RAB11FIP3: variants seen among roughly 807,000 people sequenced by gnomAD.
RAB11FIP3 encodes RAB11 family interacting protein 3, also known as rab11 family-interacting protein 3.
A neutral mutation model predicts 77.8 loss-of-function variants in RAB11FIP3; 17 were observed. That is an observed-to-expected ratio of 0.22 (90% CI 0.15 to 0.33). The LOEUF (loss-of-function observed/expected upper bound fraction) is 0.33, where lower values mean the gene tolerates loss of function less well. Among genes scored for constraint, RAB11FIP3 ranks in the 10% least tolerant of loss-of-function variants. RAB11FIP3 has a pLI of 1.00. For synonymous variants in RAB11FIP3, 437 were observed against 448.2 expected (o/e 0.98, Z 0.31); for missense variants, 1,005 against 1,011.2 (o/e 0.99, Z 0.08).
chr16:453,231 C>T (rs544898607), intron 1 of RAB11FIP3, among the ~76,000 whole-genome samples: 20 of 151,964 alleles, frequency 1.3e-4, no homozygotes, highest in East Asian at 9.7e-4. Flanking sequence ...CCCGCCACCA[C>T]GCCTGGCTAA....
intron 8 of RAB11FIP3, among the ~76,000 whole-genome samples, chr16:510,250 G>A (rs906363983): frequency 1.3e-4 from 20 of 151,726 alleles, no homozygotes; most frequent in Non-Finnish European, 2.5e-4. Context: ...CCCGTCCCGA[G>A]GCTCCGTGCC....
intron 9 of RAB11FIP3, among the ~76,000 whole-genome samples, chr16:513,762 AGGGGCCT>A (rs2032287121): frequency 6.6e-6 from 1 of 152,198 alleles, no homozygotes; most frequent in Non-Finnish European, 1.5e-5. Context: ...GGTGGCAGGA[AGGGGCCT>A]GCACTGAGAG....
intron 9 of RAB11FIP3, among the ~76,000 whole-genome samples, chr16:517,810 C>T (rs1026251166): frequency 3.9e-5 from 6 of 151,990 alleles, no homozygotes; most frequent in African/African-American, 9.7e-5. Context: ...TGGCCGGGCG[C>T]GGTGGCTCAC....
intron 9 of RAB11FIP3, among the ~76,000 whole-genome samples, chr16:516,945 CG>C (rs1182454276): frequency 2.0e-5 from 3 of 152,076 alleles, no homozygotes; most frequent in Non-Finnish European, 2.9e-5. Context: ...CTCCAGGAGG[CG>C]GGGGCTGGAC....
At chr16:491,988 G>A (rs2030241822) in intron 5 of RAB11FIP3, among the ~76,000 whole-genome samples, 1 of 152,176 alleles carries the variant, frequency 6.6e-6, no homozygotes, top group Non-Finnish European at 1.5e-5. Flanking sequence ...CTGGCCTGTG[G>A]GGAGGGTTTG....
At chr16:464,711 C>T (rs1215927907) in intron 2 of RAB11FIP3, among the ~76,000 whole-genome samples, 3 of 152,112 alleles carry the variant, frequency 2.0e-5, no homozygotes, top group African/African-American at 7.2e-5. Flanking sequence ...GCCTGGGCAA[C>T]ATAGTGAGAC....
intron 3 of RAB11FIP3, among the ~76,000 whole-genome samples, chr16:480,494 A>ATATT (rs555765569): frequency 1.0e-4 from 15 of 150,746 alleles, no homozygotes; most frequent in East Asian, 2.0e-4. Flanking sequence ...TTGGCTAATT[A>ATATT]TATTTATTTA....
intron 2 of RAB11FIP3, among the ~76,000 whole-genome samples, chr16:467,351 G>A (rs1172389299): frequency 6.6e-6 from 1 of 152,216 alleles, no homozygotes. Context: ...TGAGGGGTGG[G>A]ACACTGAGCT....
Position 520,815 on chromosome 16 carries a change from C to A in RAB11FIP3, c.2247C>A (p.Asn749Lys). The A allele has an allele frequency of 6.2e-7, 1 of 1,613,710 alleles. No individual in the cohort carries two copies. The highest frequency in any genetic ancestry group is 8.5e-7 in the Non-Finnish European group (1 of 1,179,980). The change falls in exon 14 of 14, where the codon AAC (asparagine) becomes AAA (lysine). Residue 749 changes from asparagine to lysine, a missense_variant. Asn to Lys is a moderately conservative substitution (Grantham distance 94). Around this residue, in one of 4 missense-constraint regions of RAB11FIP3, gnomAD observed 90 missense variants for 129.7 expected, o/e 0.69. Transcript: ENST00000262305. ...TCATCGTGGCCATCATGGAGACCAACCCGTCCATCCTGGAGGTCAAGTAGA... is the reference window on the plus strand; with the variant it reads ...TCATCGTGGCCATCATGGAGACCAAACCGTCCATCCTGGAGGTCAAGTAGA... ...DRIIVAIMET[N>K]PSILEVK
intron 2 of RAB11FIP3, among the ~76,000 whole-genome samples, chr16:468,269 A>T (rs143215260): frequency 6.3e-4 from 4 of 6,324 alleles, no homozygotes; most frequent in African/African-American, 1.7e-3. Context: ...GGTGCAGGGA[A>T]GTCAGGGAGG....
intron 2 of RAB11FIP3, among the ~76,000 whole-genome samples, chr16:462,630 C>CCCTTCCCCAGCACG (rs1567370891): frequency 1.7e-4 from 6 of 35,672 alleles, no homozygotes; most frequent in Non-Finnish European, 2.5e-4. Flanking sequence ...TCCCCAGCAC[C>CCCTTCCCCAGCACG]ATCCCTTCCC....
At chr16:440,423 G>A (rs899053211) in intron 1 of RAB11FIP3, among the ~76,000 whole-genome samples, 4 of 152,134 alleles carry the variant, frequency 2.6e-5, no homozygotes, top group African/African-American at 9.7e-5. Flanking sequence ...GAGCCACCTC[G>A]CTCAGCCCCT....
intron 9 of RAB11FIP3, among the ~76,000 whole-genome samples, chr16:511,769 G>A (rs1253157724): frequency 8.9e-6 from 1 of 112,048 alleles, no homozygotes; most frequent in African/African-American, 4.2e-5. Flanking sequence ...TGCAGGCCAG[G>A]CAGGAGAGGT....
intron 1 of RAB11FIP3, among the ~76,000 whole-genome samples, chr16:435,910 T>A (rs1567354411): frequency 6.6e-6 from 1 of 152,224 alleles, no homozygotes; most frequent in South Asian, 2.1e-4. Context: ...AACATTGAAT[T>A]TGCATCTGCA....
At chr16:519,665 T>G in intron 10 of RAB11FIP3, 89 bp from the exon 11 acceptor site, 1 of 1,527,230 alleles carries the variant, frequency 6.5e-7, no homozygotes, top group Non-Finnish European at 8.9e-7. Context: ...GTTGGGAGAC[T>G]CAGAGATTGG....
intron 5 of RAB11FIP3, among the ~76,000 whole-genome samples, chr16:494,652 T>C (rs147977606): frequency 1.3e-5 from 2 of 152,184 alleles, no homozygotes; most frequent in Admixed American, 6.5e-5. Flanking sequence ...AAATATACAT[T>C]ATTAGTCTCC....
In RAB11FIP3 at chr16:498,260, A is replaced by G. The variant is rs1284674382; in HGVS notation, c.1301+1401A>G. Among the ~76,000 whole-genome samples, 4 of 152,024 alleles carry G rather than the reference A, an allele frequency of 2.6e-5. No individual in the cohort carries two copies. In the East Asian group the frequency reaches 7.7e-4, roughly 29 times the overall value. The stretch of plus-strand genomic sequence containing the variant: ...GCAATCACAGCTCACTGCAGCCTGG[A>G]CCTCTCAGGCTCACTCCATCCTCCC... On this transcript the variant is annotated intron_variant, in intron 6 of 13. Coordinates refer to ENST00000262305, the MANE Select transcript of RAB11FIP3 (RefSeq NM_014700.4).
At chr16:432,110 C>T (rs952744053) in intron 1 of RAB11FIP3, among the ~76,000 whole-genome samples, 6 of 152,036 alleles carry the variant, frequency 3.9e-5, no homozygotes, top group East Asian at 1.9e-4. Flanking sequence ...TGGCCTGGCG[C>T]GGTAACTCAC....
rs369208107 is a variant in RAB11FIP3, at chr16:502,989, G to T, written c.1302-15G>T. On this transcript the variant is annotated splice_polypyrimidine_tract_variant and intron_variant, in intron 6 of 13. Coordinates refer to ENST00000262305, the MANE Select transcript of RAB11FIP3 (RefSeq NM_014700.4). ...TTTTCCCTTTCTTCCCTCTGTTGTT[G>T]TGCCTTTTCTGTAGGTACCTGCACC... The T allele has an allele frequency of 6.8e-5, 108 of 1,586,128 alleles. No individual in the cohort carries two copies. The African/African-American group carries it at 1.3e-3, about 19-fold the overall frequency.
Sources: gnomAD v4.1 joint callset for allele counts (sites outside exome capture counted in the v4.1 genomes callset) on GRCh38, gnomAD v4.1.1 for gene constraint, gnomAD v4.1.1 regional missense constraint, MANE v1.5 for transcripts, NCBI Gene and HGNC (gene_info 2026-07-23, HGNC 2026-07-21) for gene names.